Variants in FBXO36 observed in about 807,000 individuals in gnomAD.
The protein encoded by FBXO36 is F-box protein 36.
Under a neutral mutation model 17.0 loss-of-function variants are expected in FBXO36, and 18 were observed. The observed-to-expected ratio is 1.06, with a 90% CI of 0.73 to 1.57. FBXO36 has a LOEUF of 1.57. Among genes scored for constraint, FBXO36 ranks in the 40% most tolerant of loss-of-function variants. The pLI is 0.00. For synonymous variants in FBXO36, 83 were observed against 85.3 expected, an observed-to-expected ratio of 0.97 and a Z score of 0.15; for missense variants, 229 against 221.9, an observed-to-expected ratio of 1.03 and a Z score of -0.20.
chr2:229,970,899 T>C (rs2106190183), intron 1 of FBXO36, among the ~76,000 whole-genome samples: 2 of 152,316 alleles, frequency 1.3e-5, no homozygotes, highest in Middle Eastern at 3.4e-3. Flanking sequence ...ATTAAAGAGC[T>C]CTTTCAGTAA....
At chr2:229,980,490 C>T (rs1472827612) in intron 2 of FBXO36, among the ~76,000 whole-genome samples, 2 of 152,110 alleles carry the variant, frequency 1.3e-5, no homozygotes, top group African/African-American at 2.4e-5. Flanking sequence ...GGGATTTGGG[C>T]CAGAGATGGG....
chr2:229,927,105 C>T (rs965404272), intron 1 of FBXO36, among the ~76,000 whole-genome samples: 11 of 152,166 alleles, frequency 7.2e-5, no homozygotes, highest in African/African-American at 2.4e-4. Flanking sequence ...AGTGATCTGC[C>T]CGCCTTGGCC....
At chr2:229,974,998 C>G (rs1232445156) in intron 1 of FBXO36, among the ~76,000 whole-genome samples, 1 of 152,120 alleles carries the variant, frequency 6.6e-6, no homozygotes, top group Non-Finnish European at 1.5e-5. Context: ...GTTTTGTCAT[C>G]TTAATTACCT....
chr2:229,959,597 G>C (rs2077110187), intron 1 of FBXO36, among the ~76,000 whole-genome samples: 1 of 152,094 alleles, frequency 6.6e-6, no homozygotes, highest in South Asian at 2.1e-4. Context: ...TGGAATCCGA[G>C]CACTTTGGGA....
chr2:229,942,090 A>G (rs892990208), intron 1 of FBXO36, among the ~76,000 whole-genome samples: 1 of 152,174 alleles, frequency 6.6e-6, no homozygotes, highest in Non-Finnish European at 1.5e-5. Flanking sequence ...CCTGGCAGCT[A>G]AGTGTGACCT....
intron 2 of FBXO36, among the ~76,000 whole-genome samples, chr2:229,990,811 C>T (rs1362633987): frequency 6.6e-6 from 1 of 152,086 alleles, no homozygotes; most frequent in African/African-American, 2.4e-5. Context: ...GTATATAATT[C>T]TTTGAGAGTT....
At chr2:229,993,199 A>G (rs991149913) in intron 2 of FBXO36, among the ~76,000 whole-genome samples, 2 of 152,054 alleles carry the variant, frequency 1.3e-5, no homozygotes, top group Admixed American at 6.6e-5. Flanking sequence ...TTTGTGGGGG[A>G]AAATTTGTAT....
chr2:229,928,365 G>A (rs951435290), intron 1 of FBXO36, among the ~76,000 whole-genome samples: 1 of 152,142 alleles, frequency 6.6e-6, no homozygotes, highest in African/African-American at 2.4e-5. Flanking sequence ...ATTCTTAAAA[G>A]AAAAAGCTGG....
chr2:229,932,291 C>T (rs528119179), intron 1 of FBXO36, among the ~76,000 whole-genome samples: 10 of 151,872 alleles, frequency 6.6e-5, no homozygotes, highest in East Asian at 1.9e-4. Flanking sequence ...GAGGCTGACG[C>T]GGATGGATCA....
chr2:229,947,912 T>A (rs1222504723), intron 1 of FBXO36, among the ~76,000 whole-genome samples: 1 of 151,950 alleles, frequency 6.6e-6, no homozygotes, highest in African/African-American at 2.4e-5. Context: ...ACATCAAGAG[T>A]GAAGATACAG....
chr2:229,951,390 C>A (rs1297224083), intron 1 of FBXO36, among the ~76,000 whole-genome samples: 1 of 151,938 alleles, frequency 6.6e-6, no homozygotes, highest in East Asian at 1.9e-4. Flanking sequence ...ATTACAGGCA[C>A]GTGCCACCAT....
intron 1 of FBXO36, among the ~76,000 whole-genome samples, chr2:229,939,957 C>T (rs1237623776): frequency 6.6e-6 from 1 of 152,114 alleles, no homozygotes; most frequent in East Asian, 1.9e-4. Flanking sequence ...GTGGCGCAGG[C>T]CCGTAGTCCC....
intron 1 of FBXO36, among the ~76,000 whole-genome samples, chr2:229,941,360 C>A (rs1042129358): frequency 3.3e-5 from 5 of 152,032 alleles, no homozygotes; most frequent in African/African-American, 1.2e-4. Flanking sequence ...GAGGCTGAGG[C>A]AGGAGAATTG....
intron 1 of FBXO36, among the ~76,000 whole-genome samples, chr2:229,931,132 G>T (rs543423993): frequency 1.3e-5 from 2 of 152,282 alleles, no homozygotes; most frequent in African/African-American, 4.8e-5. Flanking sequence ...TTTCTGAGGA[G>T]AGGGATGGCA....
intron 3 of FBXO36, among the ~76,000 whole-genome samples, chr2:230,007,934 G>A (rs1217263560): frequency 1.3e-5 from 2 of 152,154 alleles, no homozygotes; most frequent in Admixed American, 1.3e-4. Context: ...TCACCATGTC[G>A]GTCTGGCTGG....
chr2:229,973,071 A>AT (rs1319650628), intron 1 of FBXO36, among the ~76,000 whole-genome samples: 14 of 150,030 alleles, frequency 9.3e-5, no homozygotes, highest in South Asian at 8.5e-4. Flanking sequence ...AAAAAAAAAA[A>AT]AGAAAAAGAT....
At chr2:229,925,954 C>G (rs971373338) in intron 1 of FBXO36, among the ~76,000 whole-genome samples, 1 of 151,864 alleles carries the variant, frequency 6.6e-6, no homozygotes, top group Non-Finnish European at 1.5e-5. Flanking sequence ...TAATGATGAT[C>G]TCCAGCTTTA....
At chr2:229,994,505 T>G (rs374753599) in intron 2 of FBXO36, among the ~76,000 whole-genome samples, 31 of 152,308 alleles carry the variant, frequency 2.0e-4, no homozygotes, top group African/African-American at 7.5e-4. Context: ...CTTACATCCA[T>G]TCTGAAATCA....
intron 1 of FBXO36, among the ~76,000 whole-genome samples, chr2:229,930,596 C>G (rs1560429194): frequency 6.6e-6 from 1 of 151,218 alleles, no homozygotes. Flanking sequence ...ACTAAAAATA[C>G]AAAAATTATC....
Sources: allele counts gnomAD v4.1 joint callset (sites outside exome capture counted in the v4.1 genomes callset), GRCh38; gene constraint gnomAD v4.1.1; transcripts MANE v1.5; gene names NCBI Gene and HGNC (gene_info 2026-07-23, HGNC 2026-07-21).